SLC25A48: variants seen among roughly 807,000 people sequenced by gnomAD.
SLC25A48 encodes the protein solute carrier family 25 member 48, also known as CTC-321K16.1.
Under a neutral mutation model 32.2 loss-of-function variants are expected in SLC25A48, and 29 were observed. The observed-to-expected ratio is 0.90, with a 90% CI of 0.67 to 1.23. The LOEUF (loss-of-function observed/expected upper bound fraction) is 1.23, where lower values mean the gene tolerates loss of function less well. Ranked by LOEUF, SLC25A48 falls within the 50% of genes most tolerant of loss-of-function variation. SLC25A48 has a pLI of 0.00. For synonymous variants in SLC25A48, 164 were observed against 172.3 expected (o/e 0.95, Z 0.38); for missense variants, 399 against 422.7 (o/e 0.94, Z 0.49).
intron 3 of SLC25A48, among the ~76,000 whole-genome samples, chr5:135,742,957 T>TCCTCCTCCCCCTCCCCCCCCCTCCCC (rs1554071278): frequency 7.8e-5 from 1 of 12,902 alleles, no homozygotes; most frequent in South Asian, 5.2e-3. Context: ...TCTGGAGACC[T>TCCTCCTCCCCCTCCCCCCCCCTCCCC]CCCCCTCCCC....
At chr5:135,847,699 T>C (rs936083563) in intron 2 of SLC25A48, among the ~76,000 whole-genome samples, 3 of 152,144 alleles carry the variant, frequency 2.0e-5, no homozygotes, top group African/African-American at 7.2e-5. Context: ...GGAGCCATGA[T>C]GCTGGGGCTC....
chr5:135,613,281 G>GT (rs1320895224), intron 1 of SLC25A48, among the ~76,000 whole-genome samples: 2 of 152,018 alleles, frequency 1.3e-5, no homozygotes, highest in Non-Finnish European at 2.9e-5. Flanking sequence ...TTGTTTGCTT[G>GT]TTTTTTAATG....
intron 3 of SLC25A48, among the ~76,000 whole-genome samples, chr5:135,736,459 G>T (rs1270656117): frequency 6.6e-6 from 1 of 152,120 alleles, no homozygotes; most frequent in Non-Finnish European, 1.5e-5. Context: ...TAAGGGAGAA[G>T]AGGGAGGAAT....
intron 1 of SLC25A48, among the ~76,000 whole-genome samples, chr5:135,610,094 A>G (rs2126889938): frequency 1.3e-5 from 2 of 152,320 alleles, no homozygotes; most frequent in Middle Eastern, 6.8e-3. Flanking sequence ...CCCAGGTGCC[A>G]GGAAAACAAG....
chr5:135,800,306 G>C (rs1023226186), intron 3 of SLC25A48, among the ~76,000 whole-genome samples: 2 of 151,858 alleles, frequency 1.3e-5, no homozygotes, highest in Non-Finnish European at 2.9e-5. Context: ...CAGCCCGCTT[G>C]TGGTATTGTT....
At chr5:135,869,870 C>T (rs1446879963) in intron 4 of SLC25A48, among the ~76,000 whole-genome samples, 1 of 152,184 alleles carries the variant, frequency 6.6e-6, no homozygotes, top group Non-Finnish European at 1.5e-5. Flanking sequence ...CTCCTGTCCA[C>T]ACTGAAGTTG....
At chr5:135,601,046 C>T (rs1484743547) in intron 1 of SLC25A48, 2 of 152,060 alleles carry the variant, frequency 1.3e-5, no homozygotes, top group Non-Finnish European at 2.9e-5. Context: ...TAATCCTTCC[C>T]CAGCTTCACA....
chr5:135,597,554 C>T (rs539191682), intron 1 of SLC25A48, among the ~76,000 whole-genome samples: 78 of 152,266 alleles, frequency 5.1e-4, no homozygotes, highest in Middle Eastern at 6.8e-3. Flanking sequence ...CCCTGCTTGC[C>T]GATAGAAACA....
chr5:135,852,525 G>T (rs2304078), intron 3 of SLC25A48, 38 bp from the exon 4 acceptor site: 19 of 1,560,104 alleles, frequency 1.2e-5, no homozygotes, highest in African/African-American at 2.7e-5. Context: ...ACGGCAGCCC[G>T]GGGTCCTCAC....
chr5:135,657,583 G>T (rs370144109), intron 3 of SLC25A48, among the ~76,000 whole-genome samples: 1 of 152,214 alleles, frequency 6.6e-6, no homozygotes, highest in Non-Finnish European at 1.5e-5. Context: ...CAAAGTGACT[G>T]GGAGATGGGA....
At chr5:135,882,234 C>A (rs1348549965) in intron 7 of SLC25A48, among the ~76,000 whole-genome samples, 1 of 152,252 alleles carries the variant, frequency 6.6e-6, no homozygotes, top group Admixed American at 6.5e-5. Context: ...CACTGGTCTG[C>A]AGATTCATCT....
At chr5:135,620,680 G>GCAGGA (rs1752306382) in intron 1 of SLC25A48, among the ~76,000 whole-genome samples, 2 of 152,226 alleles carry the variant, frequency 1.3e-5, no homozygotes, top group Admixed American at 1.3e-4. Context: ...CAGCCCAGTG[G>GCAGGA]CAGGACAGGA....
At chr5:135,703,225 A>G (rs1281249976) in intron 3 of SLC25A48, among the ~76,000 whole-genome samples, 3 of 152,334 alleles carry the variant, frequency 2.0e-5, no homozygotes, top group African/African-American at 2.4e-5. Context: ...TGAGAACTCC[A>G]CATTAGCTTC....
At chr5:135,705,414 C>T (rs1268072986) in intron 3 of SLC25A48, among the ~76,000 whole-genome samples, 1 of 152,214 alleles carries the variant, frequency 6.6e-6, no homozygotes, top group Non-Finnish European at 1.5e-5. Flanking sequence ...GGGATAGTAA[C>T]ATTTGTCTCA....
intron 3 of SLC25A48, among the ~76,000 whole-genome samples, chr5:135,718,011 TTTG>T (rs35741305): frequency 2.6e-5 from 4 of 151,700 alleles, no homozygotes; most frequent in African/African-American, 7.3e-5. Flanking sequence ...AGACTCCTTT[TTTG>T]TTGTTGTTGT....
intron 3 of SLC25A48, among the ~76,000 whole-genome samples, chr5:135,711,005 T>C (rs1561458529): frequency 2.6e-5 from 4 of 152,196 alleles, no homozygotes. Context: ...GATGGTTACA[T>C]GGCACTTAGA....
intron 1 of SLC25A48, among the ~76,000 whole-genome samples, chr5:135,588,245 A>G (rs1561747176): frequency 6.6e-6 from 1 of 152,232 alleles, no homozygotes; most frequent in African/African-American, 2.4e-5. Flanking sequence ...TTAAACATGT[A>G]TTTGAGCTAT....
intron 4 of SLC25A48, 108 bp downstream of exon 4, chr5:135,852,929 A>G: frequency 7.1e-7 from 1 of 1,403,086 alleles, no homozygotes; most frequent in Non-Finnish European, 9.5e-7. Context: ...CAAGGCATCT[A>G]CCTTGTCACC....
chr5:135,673,694 A>G (rs1434606995), intron 3 of SLC25A48, among the ~76,000 whole-genome samples: 1 of 152,060 alleles, frequency 6.6e-6, no homozygotes, highest in Non-Finnish European at 1.5e-5. Flanking sequence ...TCTTTTAATG[A>G]ACAAATATTT....
Sources: allele counts gnomAD v4.1 joint callset (sites outside exome capture counted in the v4.1 genomes callset), GRCh38; gene constraint gnomAD v4.1.1; transcripts MANE v1.5; gene names NCBI Gene and HGNC (gene_info 2026-07-23, HGNC 2026-07-21).